Variants in UHRF1 observed in about 807,000 individuals in gnomAD.
UHRF1 encodes E3 ubiquitin-protein ligase UHRF1.
In UHRF1, 9 loss-of-function variants were observed where a neutral mutation model predicts 96.5. The ratio of observed to expected loss-of-function variants is 0.09; its 90% confidence interval spans 0.06 to 0.16. The LOEUF (loss-of-function observed/expected upper bound fraction) is 0.16, where lower values mean the gene tolerates loss of function less well. Among genes scored for constraint, UHRF1 ranks in the 10% least tolerant of loss-of-function variants. The probability of loss-of-function intolerance (pLI) is 1.00; values close to 1 mark genes in which losing one functional copy is unlikely to be tolerated. For synonymous variants in UHRF1, 455 were observed against 469.9 expected (o/e 0.97, Z 0.41); for missense variants, 626 against 1,131.1 (o/e 0.55, Z 6.40).
intron 10 of UHRF1, 140 bp downstream of exon 10, chr19:4,946,105 T>G (rs1359109127): frequency 3.2e-6 from 2 of 625,706 alleles, no homozygotes; most frequent in East Asian, 6.0e-5. Flanking sequence ...CCCATTGCTA[T>G]GCAACCATCA....
chr19:4,908,199 G>A (rs2032110467), upstream of UHRF1, among the ~76,000 whole-genome samples: 1 of 152,168 alleles, frequency 6.6e-6, no homozygotes, highest in Non-Finnish European at 1.5e-5. Context: ...CCTTTTAGCT[G>A]TGTAAGGCAC....
At chr19:4,939,901 A>G (rs2602721) in intron 5 of UHRF1, among the ~76,000 whole-genome samples, 47,959 of 151,750 alleles carry the variant, frequency 0.32, 12,475 homozygotes, top group African/African-American at 0.71. Context: ...GCGGGTGCCT[A>G]TAGTGCCAGC....
chr19:4,950,469 C>T, intron 11 of UHRF1, 142 bp from the exon 12 acceptor site: 1 of 866,152 alleles, frequency 1.2e-6, no homozygotes, highest in East Asian at 3.0e-5. Context: ...GTCTCGAACT[C>T]CTGACTTCAG....
At chr19:4,959,309 G>A (rs1290771818) in intron 16 of UHRF1, among the ~76,000 whole-genome samples, 2 of 151,918 alleles carry the variant, frequency 1.3e-5, no homozygotes, top group Non-Finnish European at 1.5e-5. Flanking sequence ...CAGCCTGGGC[G>A]ACAGAGCGAG....
At position 4,950,773 on chromosome 19, in the gene UHRF1, G is replaced by C. The variant is rs2033695774; in HGVS notation, c.1680G>C (p.Lys560Asn). 6.2e-7 allele frequency: 1 copy of C among 1,612,968 alleles called. No homozygotes were observed. The highest frequency in any genetic ancestry group is 8.5e-7 in the Non-Finnish European group (1 of 1,179,602). ...GCAACCGCTACGATGGCATCTACAA[G>C]GTGAGTGCCCCTTGAGGAGGCCGGG... is the stretch of plus-strand genomic sequence containing the variant. Reference protein sequence around the residue: ...AEGNRYDGIYKVVKYWPEKGK... With the variant: ...AEGNRYDGIYNVVKYWPEKGK... Residue 560 changes from lysine (K) to asparagine (N), a missense_variant and splice_region_variant, in exon 12 of 17, where the codon AAG becomes AAC. This residue lies in a region of UHRF1 where 61 missense variants were observed against 199.2 expected (regional missense o/e 0.31). Transcript: ENST00000650932.
intron 10 of UHRF1, 32 bp downstream of exon 10, chr19:4,945,997 G>GCGGC: frequency 8.6e-7 from 1 of 1,162,138 alleles, no homozygotes; most frequent in Non-Finnish European, 1.2e-6. Flanking sequence ...GTGGGGGAGG[G>GCGGC]TTGCTCTAGT....
At chr19:4,947,836 G>A (rs1298687301) in intron 11 of UHRF1, among the ~76,000 whole-genome samples, 1 of 152,018 alleles carries the variant, frequency 6.6e-6, no homozygotes, top group Admixed American at 6.6e-5. Context: ...GGTGGCTCAC[G>A]CCTGTAATTC....
intron 3 of UHRF1, among the ~76,000 whole-genome samples, chr19:4,929,753 A>G (rs991682926): frequency 5.9e-5 from 9 of 152,032 alleles, no homozygotes; most frequent in South Asian, 2.1e-4. Flanking sequence ...TGCTGCTACC[A>G]TGTAAGATCA....
chr19:4,913,044 G>A (rs995721574), intron 2 of UHRF1, among the ~76,000 whole-genome samples: 12 of 151,978 alleles, frequency 7.9e-5, no homozygotes, highest in African/African-American at 2.9e-4. Context: ...GTGAGCTACA[G>A]TGCCGGACCT....
intron 4 of UHRF1, 163 bp from the exon 5 acceptor site, chr19:4,932,578 A>T: frequency 1.4e-6 from 1 of 699,834 alleles, no homozygotes; most frequent in South Asian, 1.9e-5. Flanking sequence ...TGTACCTGGA[A>T]TGTGCCTTAA....
Position 4,950,614 on chromosome 19 carries a change from G to C in UHRF1, c.1521G>C (p.Ala507=), listed in dbSNP as rs775286606. The part of the protein sequence containing the change: ...CDQKLTNTNR[A]LALNCFAPIN... ...GGGGTCCTGACTCTCCCTGCAGGGC[G>C]CTGGCTCTCAACTGCTTTGCTCCCA... The change falls in exon 12 of 17, where the codon GCG becomes GCC. Residue 507 remains alanine (A), a synonymous_variant. Transcript: ENST00000650932. 1.2e-6 allele frequency: 2 copies of C among 1,611,208 alleles called. No individual in the cohort carries two copies. Among genetic ancestry groups the C allele is most frequent in the Non-Finnish European group, 1.7e-6 (2 of 1,179,424 alleles).
chr19:4,939,849 C>T (rs543775165), intron 5 of UHRF1, among the ~76,000 whole-genome samples: 1 of 152,136 alleles, frequency 6.6e-6, no homozygotes, highest in Non-Finnish European at 1.5e-5. Context: ...ACGGTGAAAC[C>T]CCGTCTCTAC....
Position 4,932,774 on chromosome 19 carries a change from C to G in UHRF1, c.603C>G (p.Ser201=). ...YPENGVVQMN[S]RDVRARARTI... is the part of the protein sequence containing the mutation. ...AGAACGGCGTGGTCCAGATGAACTC[C>G]AGGGACGTCCGAGCGCGCGCCCGCA... The change falls in exon 5 of 17, where the codon TCC becomes TCG. Residue 201 remains serine (S), a synonymous_variant. Coordinates refer to ENST00000650932, the MANE Select transcript of UHRF1 (RefSeq NM_001048201.3). 6.2e-7 allele frequency: 1 copy of G among 1,613,882 alleles called. No homozygotes were observed. The highest frequency in any genetic ancestry group is 8.5e-7 in the Non-Finnish European group (1 of 1,179,882).
At chr19:4,936,112 C>T (rs571489039) in intron 5 of UHRF1, among the ~76,000 whole-genome samples, 2 of 152,136 alleles carry the variant, frequency 1.3e-5, no homozygotes, top group South Asian at 4.1e-4. Context: ...GCAGGAGGCA[C>T]AGCGGGAAAG....
In UHRF1 at chr19:4,930,592, C is replaced by T; in HGVS notation, c.409-124C>T. On this transcript the variant is annotated intron_variant, in intron 3 of 16. Coordinates refer to ENST00000650932, the MANE Select transcript of UHRF1 (RefSeq NM_001048201.3). The surrounding 1 kb of genome is among the most constrained non-coding windows in gnomAD (Gnocchi z 4.4). ...GCGGTTCCCAGCCAGGGAGGAGAAA[C>T]CTCGCTGTGGGCATTCGAGTTTGCG... 8.0e-7 allele frequency: 1 copy of T among 1,249,308 alleles called. No individual in the cohort carries two copies. Among genetic ancestry groups the T allele is most frequent in the Non-Finnish European group, 1.1e-6 (1 of 901,720 alleles). The allele number at this position is 1,249,308 out of a possible 1,614,324, so 77.4% of individuals were successfully genotyped here.
At chr19:4,918,534 C>T (rs1171180252) in intron 2 of UHRF1, among the ~76,000 whole-genome samples, 1 of 151,784 alleles carries the variant, frequency 6.6e-6, no homozygotes, top group Non-Finnish European at 1.5e-5. Flanking sequence ...TCTGCGTCAG[C>T]CTCCCGAGTA....
chr19:4,945,233 A>G (rs1599287083), intron 9 of UHRF1, among the ~76,000 whole-genome samples: 2 of 152,266 alleles, frequency 1.3e-5, no homozygotes, highest in East Asian at 1.9e-4. Context: ...CTTTTATATC[A>G]TAACCTCATT....
chr19:4,909,505 C>G lies in UHRF1; in HGVS notation c.-161C>G. ...AGTTTTCGCGGGAAAAAAATCAGAG[C>G]AGCTGGCAGCGCGGCGGGCAGCGTT... On this transcript the variant is annotated 5_prime_UTR_variant, in exon 1 of 17. Transcript: ENST00000650932. The G allele has an allele frequency of 1.5e-6, 1 of 657,438 alleles. No individual in the cohort carries two copies. 40.7% of individuals were successfully genotyped at this position (657,438 alleles called of 1,614,324 possible). A position where few individuals can be genotyped will look rare whatever the true frequency, so the allele number is the denominator to read the frequency against.
intron 5 of UHRF1, among the ~76,000 whole-genome samples, chr19:4,937,927 G>C (rs1471446135): frequency 6.6e-6 from 1 of 152,146 alleles, no homozygotes; most frequent in Non-Finnish European, 1.5e-5. Context: ...GAGGTGGGCG[G>C]ATCACTTGAG....
Sources: allele counts gnomAD v4.1 joint callset (sites outside exome capture counted in the v4.1 genomes callset), GRCh38; gene constraint gnomAD v4.1.1; regional missense constraint gnomAD v4.1.1; non-coding constraint Gnocchi (gnomAD v3.1); transcripts MANE v1.5; gene names NCBI Gene and HGNC (gene_info 2026-07-23, HGNC 2026-07-21).